The following MAP4 variants were observed in gnomAD, a reference collection of about 807,000 sequenced individuals.
MAP4 encodes microtubule associated protein 4.
In MAP4, 76 loss-of-function variants were observed where a neutral mutation model predicts 170.2. The ratio of observed to expected loss-of-function variants is 0.45; its 90% confidence interval spans 0.37 to 0.54. MAP4 has a LOEUF of 0.54. MAP4 is among the 20% of genes least tolerant of loss of function. The pLI is 0.00. For missense variants in MAP4, 2,506 were observed against 2,748.0 expected (o/e 0.91, Z 1.97); for synonymous variants, 909 against 994.5 (o/e 0.91, Z 1.62).
At chr3:48,058,505 G>A (rs1043638375) in intron 1 of MAP4, among the ~76,000 whole-genome samples, 8 of 152,146 alleles carry the variant, frequency 5.3e-5, no homozygotes, top group African/African-American at 1.7e-4. Context: ...TGGCTGAACA[G>A]GATTATGTCT....
Position 47,912,148 on chromosome 3 carries a change from G to C in MAP4, c.2273C>G (p.Ala758Gly). 1 of 1,536,050 alleles carries C rather than the reference G, an allele frequency of 6.5e-7. No homozygotes were observed. Among genetic ancestry groups the C allele is most frequent in the Non-Finnish European group, 8.7e-7 (1 of 1,146,894 alleles). Reference sequence around the variant, plus strand: ...TATTGGTGTGCTTTCTATATCCCAGGCCTCCCTGCCAAGATCCCTCTGGGG... The same window carrying C: ...TATTGGTGTGCTTTCTATATCCCAGCCCTCCCTGCCAAGATCCCTCTGGGG... ...LEPQRDLGRE[A>G]WDIESTPIMM... is the part of the protein sequence containing the mutation. The change falls in exon 9 of 21, where the codon GCC (alanine) becomes GGC (glycine). Residue 758 changes from alanine to glycine, a missense_variant. By Grantham distance (60) the Ala-to-Gly change is moderately conservative. This residue lies in a region of MAP4 where 2,008 missense variants were observed against 2,206.0 expected (regional missense o/e 0.91). Coordinates refer to ENST00000683076, the MANE Select transcript of MAP4 (RefSeq NM_001385682.1).
At chr3:48,051,679 A>G (rs1579579726) in intron 1 of MAP4, among the ~76,000 whole-genome samples, 1 of 152,264 alleles carries the variant, frequency 6.6e-6, no homozygotes, top group Middle Eastern at 3.4e-3. Context: ...TCAAACTACC[A>G]CCACATAATC....
chr3:47,871,227 C>T lies in MAP4; in HGVS notation c.6001G>A (p.Ala2001Thr), dbSNP rs376827214. 1 of 1,614,100 alleles carries T rather than the reference C, an allele frequency of 6.2e-7. No homozygotes were observed. Among genetic ancestry groups the T allele is most frequent in the Non-Finnish European group, 8.5e-7 (1 of 1,180,036 alleles). ...TACAAAATGGCGGATGGGCTATTAC[C>T]TGGTACAGACTTTGCAGTCATCTTC... ...VKKMTAKSVP[A>T]DLSRPKSTST... The change falls in exon 14 of 21, where the codon GCT becomes ACT. Residue 2001 changes from alanine (A) to threonine (T), a missense_variant and splice_region_variant. Physicochemically the swap from Ala to Thr is moderately conservative, Grantham distance 58. This residue lies in a region of MAP4 where 487 missense variants were observed against 511.6 expected (regional missense o/e 0.95). Transcript: ENST00000683076.
At chr3:47,868,469 C>CTG (rs1225600913) in intron 16 of MAP4, among the ~76,000 whole-genome samples, 1 of 152,180 alleles carries the variant, frequency 6.6e-6, no homozygotes, top group Non-Finnish European at 1.5e-5. Context: ...GCTTTCTTCA[C>CTG]TGTAGGAATG....
intron 17 of MAP4, among the ~76,000 whole-genome samples, chr3:47,857,833 C>T (rs928476022): frequency 5.3e-5 from 8 of 151,818 alleles, no homozygotes; most frequent in Non-Finnish European, 1.2e-4. Context: ...CTCAGCCTCC[C>T]GAGTAGCTGG....
intron 1 of MAP4, among the ~76,000 whole-genome samples, chr3:48,048,693 T>A (rs1296489793): frequency 6.6e-6 from 1 of 151,910 alleles, no homozygotes; most frequent in African/African-American, 2.4e-5. Flanking sequence ...ATTTTTTAAA[T>A]TTTTTTGTAG....
At chr3:47,981,586 G>C (rs1245488885) in intron 2 of MAP4, among the ~76,000 whole-genome samples, 2 of 151,508 alleles carry the variant, frequency 1.3e-5, no homozygotes, top group African/African-American at 4.8e-5. Context: ...CCTGGCCAAT[G>C]CGGTGAAACC....
intron 12 of MAP4, among the ~76,000 whole-genome samples, chr3:47,873,257 A>G (rs1027281913): frequency 6.6e-6 from 1 of 152,222 alleles, no homozygotes; most frequent in African/African-American, 2.4e-5. Context: ...GGGTCACTCT[A>G]GTTCCTTTTA....
chr3:47,853,601 A>G (rs185665728), intron 19 of MAP4, among the ~76,000 whole-genome samples: 4 of 149,174 alleles, frequency 2.7e-5, no homozygotes, highest in South Asian at 2.2e-4. Flanking sequence ...CCTCTGTGGC[A>G]TGTGAGGCTC....
intron 1 of MAP4, among the ~76,000 whole-genome samples, chr3:48,066,182 C>T (rs1579746988): frequency 6.6e-6 from 1 of 152,110 alleles, no homozygotes; most frequent in African/African-American, 2.4e-5. Context: ...AAATTAAGAA[C>T]CATTTATTTA....
At chr3:47,920,593 C>T (rs2100042314) in intron 5 of MAP4, among the ~76,000 whole-genome samples, 1 of 148,582 alleles carries the variant, frequency 6.7e-6, no homozygotes, top group African/African-American at 2.5e-5. Context: ...ACTCTGTTGT[C>T]CAGGCTGGAG....
At chr3:48,056,114 G>T (rs1474726027) in intron 1 of MAP4, among the ~76,000 whole-genome samples, 222 of 115,490 alleles carry the variant, frequency 1.9e-3, no homozygotes, top group Middle Eastern at 0.017. Flanking sequence ...GAGGGAGGTG[G>T]GGGGGGGTCA....
chr3:48,031,279 C>T (rs1244966425), intron 1 of MAP4, among the ~76,000 whole-genome samples: 9 of 152,050 alleles, frequency 5.9e-5, no homozygotes, highest in Non-Finnish European at 2.9e-5. Context: ...AGGCTGGGTG[C>T]GGTGGCTCAC....
intron 1 of MAP4, among the ~76,000 whole-genome samples, chr3:48,066,353 G>A (rs149348889): frequency 6.6e-6 from 1 of 152,128 alleles, no homozygotes; most frequent in East Asian, 1.9e-4. Context: ...ACTTCTACTT[G>A]ATGGTCCTTG....
chr3:48,055,621 G>A lies in MAP4; in HGVS notation c.-20+33152C>T, dbSNP rs62260833. On this transcript the variant is annotated intron_variant, in intron 1 of 18. Transcript: ENST00000360240. Reference sequence around the variant, plus strand: ...CCGAGATTGCAGCCTCTGCCCGGCCGCCACCCCGTCTGGGAAGTGAGGAGT... The same window carrying A: ...CCGAGATTGCAGCCTCTGCCCGGCCACCACCCCGTCTGGGAAGTGAGGAGT... Among the ~76,000 whole-genome samples the A allele has an allele frequency of 4.8e-5, 6 of 123,978 alleles. 1 individual carries two copies. The highest frequency in any genetic ancestry group is 6.5e-4 in the South Asian group (2 of 3,094). The allele number at this position is 123,978 out of a possible 152,430, so 81.3% of individuals were successfully genotyped here.
rs145138542 is a variant in MAP4 at position 47,855,248 on chromosome 3, C to A, written c.6696G>T (p.Lys2232Asn). 2.5e-6 allele frequency: 4 copies of A among 1,612,712 alleles called. No individual in the cohort carries two copies. Among genetic ancestry groups the A allele is most frequent in the African/African-American group, 1.3e-5 (1 of 75,012 alleles). ...VGHLPAGGAV[K>N]TEGGGSEAPL... is the part of the protein sequence containing the mutation. ...GTCTCCCCAGTGACCCACTCGCTACCTTCACAGCACCTCCTGCAGGTAGGT... is the reference window on the plus strand; with the variant it reads ...GTCTCCCCAGTGACCCACTCGCTACATTCACAGCACCTCCTGCAGGTAGGT... The change falls in exon 19 of 21, where the codon AAG becomes AAT. Residue 2232 changes from lysine (K) to asparagine (N), a missense_variant and splice_region_variant. Physicochemically the swap from Lys to Asn is moderately conservative, Grantham distance 94. Transcript: ENST00000683076. This position sits in a 1 kb window ranked among gnomAD's most constrained non-coding sequence, Gnocchi z 5.1.
intron 17 of MAP4, among the ~76,000 whole-genome samples, chr3:47,864,543 G>T (rs1259047933): frequency 6.6e-6 from 1 of 152,134 alleles, no homozygotes; most frequent in Non-Finnish European, 1.5e-5. Context: ...TGGGCATTGT[G>T]GCGGGCGCCT....
At chr3:48,033,212 T>C (rs891890365) in intron 1 of MAP4, among the ~76,000 whole-genome samples, 4 of 152,204 alleles carry the variant, frequency 2.6e-5, no homozygotes, top group South Asian at 4.1e-4. Context: ...ATTCTGATCA[T>C]CATTTCCTCT....
intron 10 of MAP4, among the ~76,000 whole-genome samples, chr3:47,899,156 G>C (rs1049457945): frequency 6.6e-6 from 1 of 152,120 alleles, no homozygotes; most frequent in African/African-American, 2.4e-5. Context: ...AGTTTGAAAA[G>C]GGTGAGCCTG....
Sources: allele counts gnomAD v4.1 joint callset (sites outside exome capture counted in the v4.1 genomes callset), GRCh38; gene constraint gnomAD v4.1.1; regional missense constraint gnomAD v4.1.1; non-coding constraint Gnocchi (gnomAD v3.1); transcripts MANE v1.5; gene names NCBI Gene and HGNC (gene_info 2026-07-23, HGNC 2026-07-21).